TAFA1: variants seen among roughly 807,000 people sequenced by gnomAD.
The protein encoded by TAFA1 is TAFA chemokine like family member 1.
Under a neutral mutation model 18.5 loss-of-function variants are expected in TAFA1, and 4 were observed. The observed-to-expected ratio is 0.22, with a 90% CI of 0.11 to 0.49. The LOEUF is 0.49. Among genes scored for constraint, TAFA1 ranks in the 20% least tolerant of loss-of-function variants. The pLI is 0.98. For missense variants in TAFA1, 147 were observed against 169.0 expected (o/e 0.87, Z 0.72); for synonymous variants, 56 against 55.2 (o/e 1.01, Z -0.06).
intron 3 of TAFA1, among the ~76,000 whole-genome samples, chr3:68,468,268 T>TA (rs200029121): frequency 9.9e-5 from 15 of 152,052 alleles, no homozygotes; most frequent in Middle Eastern, 3.4e-3. Context: ...TATTAGAAGG[T>TA]AAAAAAAATG....
At chr3:68,260,751 C>T (rs2067401922) in intron 2 of TAFA1, among the ~76,000 whole-genome samples, 1 of 152,092 alleles carries the variant, frequency 6.6e-6, no homozygotes, top group African/African-American at 2.4e-5. Context: ...CTTCCTTACA[C>T]CTTATACGAA....
chr3:68,393,378 G>T (rs539263001), intron 2 of TAFA1, among the ~76,000 whole-genome samples: 46 of 130,358 alleles, frequency 3.5e-4, no homozygotes, highest in Non-Finnish European at 6.9e-4. Context: ...CCTACCAATG[G>T]AAAAAAAAAA....
intron 2 of TAFA1, among the ~76,000 whole-genome samples, chr3:68,104,740 T>C (rs1240751521): frequency 6.6e-6 from 1 of 152,144 alleles, no homozygotes; most frequent in Admixed American, 6.6e-5. Context: ...GCTTTTGTAC[T>C]ATAATAGCAG....
At chr3:68,362,279 G>A (rs2069482321) in intron 2 of TAFA1, among the ~76,000 whole-genome samples, 2 of 152,120 alleles carry the variant, frequency 1.3e-5, no homozygotes, top group Admixed American at 1.3e-4. Flanking sequence ...CATAATCGGA[G>A]TCTATACTAA....
At chr3:68,232,729 C>T (rs1011556584) in intron 2 of TAFA1, among the ~76,000 whole-genome samples, 1 of 152,024 alleles carries the variant, frequency 6.6e-6, no homozygotes, top group Admixed American at 6.6e-5. Context: ...CCTTAGCTTC[C>T]CAAATAGCTA....
intron 2 of TAFA1, among the ~76,000 whole-genome samples, chr3:68,094,659 C>A (rs2065066787): frequency 6.6e-6 from 1 of 152,096 alleles, no homozygotes; most frequent in Non-Finnish European, 1.5e-5. Flanking sequence ...GGAGAGAGAT[C>A]AATTTTTCTA....
intron 2 of TAFA1, among the ~76,000 whole-genome samples, chr3:68,119,773 C>T (rs775392777): frequency 2.6e-5 from 4 of 152,182 alleles, no homozygotes; most frequent in Non-Finnish European, 5.9e-5. Flanking sequence ...GTTTTTACCA[C>T]TGTAGTTGTA....
At chr3:68,250,517 G>A (rs745341104) in intron 2 of TAFA1, among the ~76,000 whole-genome samples, 10 of 152,070 alleles carry the variant, frequency 6.6e-5, no homozygotes, top group Non-Finnish European at 1.2e-4. Flanking sequence ...CGTCCCCACA[G>A]CAGCTATCCA....
intron 3 of TAFA1, among the ~76,000 whole-genome samples, chr3:68,432,362 C>T (rs189750213): frequency 2.0e-5 from 3 of 152,130 alleles, no homozygotes; most frequent in African/African-American, 7.2e-5. Context: ...ATATAAACCA[C>T]AAATGCGTAA....
chr3:68,452,480 G>A (rs956205616), intron 3 of TAFA1, among the ~76,000 whole-genome samples: 6 of 135,650 alleles, frequency 4.4e-5, no homozygotes, highest in South Asian at 4.6e-4. Context: ...CCGAGATCAC[G>A]CCACTACACT....
At chr3:68,538,176 C>A (rs1310223063) in intron 3 of TAFA1, among the ~76,000 whole-genome samples, 1 of 152,050 alleles carries the variant, frequency 6.6e-6, no homozygotes, top group African/African-American at 2.4e-5. Context: ...AAATCTCAGT[C>A]AATTTTCAGT....
At chr3:68,420,693 A>C (rs1205478173) in intron 3 of TAFA1, among the ~76,000 whole-genome samples, 4 of 152,190 alleles carry the variant, frequency 2.6e-5, no homozygotes, top group Admixed American at 1.3e-4. Context: ...GGTAGAGGCC[A>C]TGAATCCTAT....
At chr3:68,179,428 TG>T (rs1308326073) in intron 2 of TAFA1, among the ~76,000 whole-genome samples, 1 of 152,230 alleles carries the variant, frequency 6.6e-6, no homozygotes, top group Non-Finnish European at 1.5e-5. Flanking sequence ...TGGATCATGT[TG>T]TTCCTGCTCA....
At chr3:68,440,285 C>G (rs928732421) in intron 3 of TAFA1, among the ~76,000 whole-genome samples, 1 of 152,170 alleles carries the variant, frequency 6.6e-6, no homozygotes, top group Non-Finnish European at 1.5e-5. Context: ...TGAGGCCTCC[C>G]CAGCCACACA....
intron 2 of TAFA1, among the ~76,000 whole-genome samples, chr3:68,292,055 T>C (rs1001440809): frequency 6.6e-6 from 1 of 152,166 alleles, no homozygotes; most frequent in African/African-American, 2.4e-5. Flanking sequence ...TGTCGTTTAC[T>C]CTCTCATCAC....
intron 2 of TAFA1, among the ~76,000 whole-genome samples, chr3:68,034,067 T>C (rs1281783520): frequency 6.6e-6 from 1 of 152,190 alleles, no homozygotes; most frequent in East Asian, 1.9e-4. Context: ...CTAGAGACAG[T>C]GGTGTCTTCT....
At chr3:68,329,546 C>A (rs953506935) in intron 2 of TAFA1, among the ~76,000 whole-genome samples, 3 of 152,078 alleles carry the variant, frequency 2.0e-5, no homozygotes, top group African/African-American at 7.2e-5. Context: ...GTTCAGAGGC[C>A]ACAGTTCTTG....
At chr3:68,456,754 C>T (rs975687456) in intron 3 of TAFA1, among the ~76,000 whole-genome samples, 2 of 152,170 alleles carry the variant, frequency 1.3e-5, no homozygotes, top group Admixed American at 1.3e-4. Context: ...CGCCTGCTGG[C>T]ATAGTTGCAG....
chr3:68,175,942 G>A (rs1371083368), intron 2 of TAFA1, among the ~76,000 whole-genome samples: 3 of 152,070 alleles, frequency 2.0e-5, no homozygotes, highest in African/African-American at 2.4e-5. Context: ...TCTTTCCCAT[G>A]TTTTTCTTGT....
Sources: gnomAD v4.1 joint callset for allele counts (sites outside exome capture counted in the v4.1 genomes callset) on GRCh38, gnomAD v4.1.1 for gene constraint, MANE v1.5 for transcripts, NCBI Gene and HGNC (gene_info 2026-07-23, HGNC 2026-07-21) for gene names.